Variants in MYO7B observed in about 807,000 individuals in gnomAD.
MYO7B encodes myosin VIIB.
In MYO7B, 212 loss-of-function variants were observed where a neutral mutation model predicts 259.7. The observed-to-expected ratio is 0.82, with a 90% confidence interval of 0.73 to 0.91. MYO7B has a LOEUF of 0.91. Among genes scored for constraint, MYO7B ranks in the 40% least tolerant of loss-of-function variants. The pLI is 0.00. For missense variants in MYO7B, 2,732 were observed against 2,813.5 expected (o/e 0.97, Z 0.66); for synonymous variants, 1,197 against 1,166.4 (o/e 1.03, Z -0.54).
rs377498038 is a variant in MYO7B, at chr2:127,625,395, C to A, written c.4075C>A (p.Arg1359=). The change falls in exon 31 of 48, where the codon CGG becomes AGG. Residue 1359 remains arginine, a synonymous_variant. Coordinates refer to ENST00000409816, the MANE Select transcript of MYO7B (RefSeq NM_001393586.1). ...GGAAGAGCTGGTTGAGCTGCTGGCC[C>A]GGCACTGCTACGTGCAGCTCGGCGC... ...KEEELVELLA[R]HCYVQLGASA... 16 of 1,599,608 alleles carry A rather than the reference C, an allele frequency of 1.0e-5. No homozygotes were observed. The African/African-American group carries it at 1.5e-4, about 15-fold the overall frequency.
chr2:127,635,117 C>T lies in MYO7B; in HGVS notation c.5714-3C>T, dbSNP rs1419579027. On this transcript the variant is annotated splice_polypyrimidine_tract_variant and splice_region_variant and intron_variant, in intron 42 of 47. Transcript: ENST00000409816. ...TTGGTGCCCACTGCTGGCCCTCGCC[C>T]AGGGGCCCCCGTGACGCTCCCCTAC... is the stretch of plus-strand genomic sequence containing the variant. 2 of 1,610,746 alleles carry T rather than the reference C, an allele frequency of 1.2e-6. No homozygotes were observed. Among genetic ancestry groups the T allele is most frequent in the East Asian group, 2.2e-5 (1 of 44,794 alleles).
At chr2:127,560,036 T>C (rs1483078461) in intron 2 of MYO7B, among the ~76,000 whole-genome samples, 10 of 151,196 alleles carry the variant, frequency 6.6e-5, no homozygotes, top group South Asian at 4.2e-4. Flanking sequence ...TTTTCTTTTT[T>C]TTTTTTTTCA....
chr2:127,593,353 A>G (rs1679641182), intron 17 of MYO7B, among the ~76,000 whole-genome samples, 193 bp from the exon 18 acceptor site: 1 of 151,982 alleles, frequency 6.6e-6, no homozygotes, highest in African/African-American at 2.4e-5. Flanking sequence ...CAGCACATGG[A>G]GGCCCCGGGC....
chr2:127,635,259 G>A (rs759866954), intron 43 of MYO7B, 33 bp downstream of exon 43: 16 of 1,564,938 alleles, frequency 1.0e-5, no homozygotes, highest in Non-Finnish European at 1.3e-5. Flanking sequence ...GGGCACTGGG[G>A]CCACCCCCAT....
At chr2:127,625,293 G>C in intron 30 of MYO7B, 75 bp from the exon 31 acceptor site, 3 of 1,433,344 alleles carry the variant, frequency 2.1e-6, no homozygotes, top group Non-Finnish European at 2.8e-6. Context: ...CCCGGCCACG[G>C]GACAGGGGCA....
rs1244371617 is a variant in MYO7B, at chr2:127,559,976, C to T, written c.18+236C>T. Among the ~76,000 whole-genome samples, 1 of 151,800 alleles carries T rather than the reference C, an allele frequency of 6.6e-6. No individual in the cohort carries two copies. Among genetic ancestry groups the T allele is most frequent in the African/African-American group, 2.4e-5 (1 of 41,350 alleles). ...AGTTATCCCTCACTTTCATGTAGGG[C>T]TTAACATGTCCCTTTGTCTTGATAA... On this transcript the variant is annotated intron_variant, in intron 2 of 47. Transcript: ENST00000409816. This position sits in a 1 kb window ranked among gnomAD's most constrained non-coding sequence, Gnocchi z 4.1.
At position 127,625,399 on chromosome 2, in the gene MYO7B, A is replaced by G. The variant is rs1189235359; in HGVS notation, c.4079A>G (p.His1360Arg). ...EEELVELLAR[H>R]CYVQLGASAE... ...GAGCTGGTTGAGCTGCTGGCCCGGC[A>G]CTGCTACGTGCAGCTCGGCGCCTCA... Residue 1360 changes from histidine to arginine, a missense_variant, in exon 31 of 48, where the codon CAC (histidine) becomes CGC (arginine). This residue lies in a region of MYO7B where 1,906 missense variants were observed against 2,026.4 expected (regional missense o/e 0.94). Transcript: ENST00000409816. 7 of 1,603,334 alleles carry G rather than the reference A, an allele frequency of 4.4e-6. No homozygotes were observed. In the East Asian group the frequency reaches 9.0e-5, roughly 21 times the overall value.
intron 5 of MYO7B, among the ~76,000 whole-genome samples, chr2:127,568,899 C>CAAA (rs375326672): frequency 1.3e-3 from 167 of 130,478 alleles, no homozygotes; most frequent in African/African-American, 4.5e-3. Context: ...GACTCCGTCT[C>CAAA]AAAAAAAAAA....
rs200995259 is a variant in MYO7B at position 127,633,281 on chromosome 2, C to T, written c.5429C>T (p.Pro1810Leu). Residue 1810 changes from proline to leucine, a missense_variant, in exon 40 of 48, where the codon CCG becomes CTG. Around this residue, in one of 3 missense-constraint regions of MYO7B, gnomAD observed 821 missense variants for 769.3 expected, o/e 1.07. Transcript: ENST00000409816. ...VLRTGPRKQPPHQVEVEAAEQ... is the reference protein window; with the variant it reads ...VLRTGPRKQPLHQVEVEAAEQ... ...AGGACGGGGCCCCGGAAGCAGCCCCCGCACCAGGTGGAGGTGGAGGCCGCA... is the reference window on the plus strand; with the variant it reads ...AGGACGGGGCCCCGGAAGCAGCCCCTGCACCAGGTGGAGGTGGAGGCCGCA... The T allele has an allele frequency of 2.9e-5, 46 of 1,612,148 alleles. No individual in the cohort carries two copies. Among genetic ancestry groups the T allele is most frequent in the African/African-American group, 6.7e-5 (5 of 75,034 alleles).
chr2:127,570,098 C>G (rs1463696113), intron 6 of MYO7B, among the ~76,000 whole-genome samples, 188 bp downstream of exon 6: 1 of 152,082 alleles, frequency 6.6e-6, no homozygotes, highest in Admixed American at 6.6e-5. Context: ...AGGGGAAAGA[C>G]TGAGGACTTA....
intron 26 of MYO7B, among the ~76,000 whole-genome samples, chr2:127,617,134 C>T (rs1200782651): frequency 2.0e-5 from 3 of 152,160 alleles, no homozygotes; most frequent in Non-Finnish European, 4.4e-5. Context: ...CTGAGAAAAC[C>T]TCCCAAGTCC....
chr2:127,633,309 G>A lies in MYO7B; in HGVS notation c.5457G>A (p.Glu1819=). The part of the protein sequence containing the change: ...PPHQVEVEAA[E]QNVSRICHKI... Reference sequence around the variant, plus strand: ...ACCAGGTGGAGGTGGAGGCCGCAGAGCAGAACGTCTCCCGCATCTGCCACA... The same window carrying A: ...ACCAGGTGGAGGTGGAGGCCGCAGAACAGAACGTCTCCCGCATCTGCCACA... The change falls in exon 40 of 48, where the codon GAG becomes GAA. Residue 1819 remains glutamate (E), a synonymous_variant. Coordinates refer to ENST00000409816, the MANE Select transcript of MYO7B (RefSeq NM_001393586.1). 1 of 1,612,822 alleles carries A rather than the reference G, an allele frequency of 6.2e-7. No individual in the cohort carries two copies. Among genetic ancestry groups the A allele is most frequent in the Non-Finnish European group, 8.5e-7 (1 of 1,179,786 alleles).
At chr2:127,550,883 A>T (rs755145821) in intron 1 of MYO7B, among the ~76,000 whole-genome samples, 2 of 152,034 alleles carry the variant, frequency 1.3e-5, no homozygotes, top group Non-Finnish European at 2.9e-5. Context: ...AGGATAATAT[A>T]CTAGTCACTC....
At chr2:127,537,717 A>G (rs112297587) in intron 1 of MYO7B, among the ~76,000 whole-genome samples, 5 of 150,920 alleles carry the variant, frequency 3.3e-5, no homozygotes, top group South Asian at 2.1e-4. Context: ...GGGGGAGGAG[A>G]AGGAGAAGGA....
At chr2:127,552,323 G>T (rs997679068) in intron 1 of MYO7B, among the ~76,000 whole-genome samples, 1 of 152,186 alleles carries the variant, frequency 6.6e-6, no homozygotes, top group Non-Finnish European at 1.5e-5. Context: ...GGCTAGTTGG[G>T]GATGGAAATG....
intron 1 of MYO7B, among the ~76,000 whole-genome samples, chr2:127,555,182 C>T (rs1339916517): frequency 2.0e-5 from 3 of 152,070 alleles, no homozygotes; most frequent in African/African-American, 2.4e-5. Context: ...CCCCTGACCT[C>T]GTGACCCACT....
chr2:127,628,737 G>A lies in MYO7B; in HGVS notation c.4624+202G>A, dbSNP rs1681295708. 6.6e-6 allele frequency among the ~76,000 whole-genome samples: 1 copy of A among 152,208 alleles called. No individual in the cohort carries two copies. Among genetic ancestry groups the A allele is most frequent in the Non-Finnish European group, 1.5e-5 (1 of 68,032 alleles). On this transcript the variant is annotated intron_variant, in intron 34 of 47. Coordinates refer to ENST00000409816, the MANE Select transcript of MYO7B (RefSeq NM_001393586.1). This position sits in a 1 kb window ranked among gnomAD's most constrained non-coding sequence, Gnocchi z 4.8. ...ACTGCTTCCTCTTCTACAAAATGAG[G>A]GGCTAAAGGAGGTGGTCTCCAGCCC...
intron 1 of MYO7B, among the ~76,000 whole-genome samples, chr2:127,541,036 C>G (rs1692984780): frequency 6.6e-6 from 1 of 152,224 alleles, no homozygotes. Context: ...TGGGATATCT[C>G]TCTCTACTGT....
chr2:127,630,817 G>A lies in MYO7B; in HGVS notation c.4846G>A (p.Ala1616Thr). 6.2e-7 allele frequency: 1 copy of A among 1,613,062 alleles called. No homozygotes were observed. Residue 1616 changes from alanine to threonine, a missense_variant, in exon 36 of 48, where the codon GCT becomes ACT. Coordinates refer to ENST00000409816, the MANE Select transcript of MYO7B (RefSeq NM_001393586.1). ...GTCACCAGAGAAGAGGAAGCTGGCG[G>A]CTCAGGAGGGGCAGTTCACAGAGCC... is the stretch of plus-strand genomic sequence containing the variant. ...AMSPEKRKLAAQEGQFTEPRP... is the reference protein window; with the variant it reads ...AMSPEKRKLATQEGQFTEPRP...
Sources: gnomAD v4.1 joint callset for allele counts (sites outside exome capture counted in the v4.1 genomes callset) on GRCh38, gnomAD v4.1.1 for gene constraint, gnomAD v4.1.1 regional missense constraint, Gnocchi (gnomAD v3.1) non-coding constraint, MANE v1.5 for transcripts, NCBI Gene and HGNC (gene_info 2026-07-23, HGNC 2026-07-21) for gene names.